The following TM9SF3 variants were observed in gnomAD, a reference collection of about 807,000 sequenced individuals.
The protein encoded by TM9SF3 is SM-11044-binding protein.
TM9SF3 carries 14 observed loss-of-function variants against 78.6 expected under a neutral mutation model. The observed-to-expected ratio is 0.18, with a 90% CI of 0.12 to 0.28. The LOEUF (loss-of-function observed/expected upper bound fraction) is 0.28. TM9SF3 is among the 10% of genes least tolerant of loss of function. The pLI is 1.00. For synonymous variants in TM9SF3, 231 were observed against 241.7 expected (o/e 0.96, Z 0.41); for missense variants, 496 against 721.9 (o/e 0.69, Z 3.59).
In TM9SF3 at chr10:96,586,855, C is replaced by T; in HGVS notation, c.-20G>A. The T allele has an allele frequency of 8.3e-7, 1 of 1,202,114 alleles. No homozygotes were observed. The allele number at this position is 1,202,114 out of a possible 1,614,324, so 74.5% of individuals were successfully genotyped here. A position where few individuals can be genotyped will look rare whatever the true frequency, so the allele number is the denominator to read the frequency against. On this transcript the variant is annotated 5_prime_UTR_variant, in exon 1 of 15. Transcript: ENST00000371142. The stretch of plus-strand genomic sequence containing the variant: ...CCTCATCCTCCGCGCCCCTCCGGCC[C>T]GGAGCCGGCTCACCGACTCCTCCTC...
intron 5 of TM9SF3, among the ~76,000 whole-genome samples, chr10:96,553,829 C>A (rs1269115385): frequency 4.6e-5 from 7 of 152,344 alleles, no homozygotes; most frequent in Admixed American, 4.6e-4. Context: ...CAAGGTACTA[C>A]TCAAAATGTA....
In TM9SF3 at chr10:96,574,235, C is replaced by T. The variant is rs191788961; in HGVS notation, c.298+2399G>A. 3.9e-5 allele frequency among the ~76,000 whole-genome samples: 6 copies of T among 152,044 alleles called. No homozygotes were observed. The East Asian group carries it at 1.2e-3, about 29-fold the overall frequency. ...CTTAAACAAATTTACAAGAAAAAAC[C>T]AAACAACCCCATCAAAAAGTGGGCA... On this transcript the variant is annotated intron_variant, in intron 2 of 14. Coordinates refer to ENST00000371142, the MANE Select transcript of TM9SF3 (RefSeq NM_020123.4).
intron 3 of TM9SF3, among the ~76,000 whole-genome samples, chr10:96,564,399 G>C (rs1388614927): frequency 3.9e-5 from 6 of 152,216 alleles, no homozygotes; most frequent in African/African-American, 1.4e-4. Context: ...ACCACTGTCA[G>C]AGCGGATCAG....
chr10:96,540,675 A>T (rs895165677), intron 9 of TM9SF3, among the ~76,000 whole-genome samples: 1 of 147,876 alleles, frequency 6.8e-6, no homozygotes, highest in African/African-American at 2.5e-5. Flanking sequence ...TTTGATCTTG[A>T]TATCTTTATA....
chr10:96,581,268 C>T (rs1057246007), intron 1 of TM9SF3, among the ~76,000 whole-genome samples: 4 of 150,186 alleles, frequency 2.7e-5, no homozygotes, highest in African/African-American at 9.8e-5. Flanking sequence ...TCAGGAGAAA[C>T]GCTTTAGAAG....
rs1402575950 is a variant in TM9SF3 at position 96,521,034 on chromosome 10, T to C, written c.*1229A>G. 2.5e-6 allele frequency: 1 copy of C among 394,196 alleles called. No individual in the cohort carries two copies. Among genetic ancestry groups the C allele is most frequent in the Non-Finnish European group, 4.5e-6 (1 of 222,588 alleles). 24.4% of individuals were successfully genotyped at this position (394,196 alleles called of 1,614,324 possible). ...CATTCTAAAGCAATAATGCTTTAGA[T>C]GTTACTTAAGTGTCCCAGACAGGAT... On this transcript the variant is annotated 3_prime_UTR_variant, in exon 15 of 15. Coordinates refer to ENST00000371142, the MANE Select transcript of TM9SF3 (RefSeq NM_020123.4).
chr10:96,553,634 T>C (rs1179186594), intron 5 of TM9SF3, among the ~76,000 whole-genome samples: 1 of 152,204 alleles, frequency 6.6e-6, no homozygotes, highest in Non-Finnish European at 1.5e-5. Flanking sequence ...TCCTGAATGA[T>C]TTGCTTCACT....
chr10:96,569,781 C>T (rs186438397), intron 2 of TM9SF3, among the ~76,000 whole-genome samples: 1 of 152,168 alleles, frequency 6.6e-6, no homozygotes, highest in African/African-American at 2.4e-5. Flanking sequence ...CACCTGTAAT[C>T]CCAGCATTTT....
intron 8 of TM9SF3, 113 bp downstream of exon 8, chr10:96,547,782 T>A (rs1848119652): frequency 1.2e-6 from 1 of 846,358 alleles, no homozygotes; most frequent in Non-Finnish European, 1.9e-6. Flanking sequence ...ATTGCACCAC[T>A]GCACTCCAGC....
chr10:96,531,223 T>C (rs1847890232), intron 10 of TM9SF3, among the ~76,000 whole-genome samples: 1 of 152,208 alleles, frequency 6.6e-6, no homozygotes, highest in South Asian at 2.1e-4. Flanking sequence ...CTCGTATTTC[T>C]CTCCTGAAAG....
intron 2 of TM9SF3, among the ~76,000 whole-genome samples, chr10:96,568,578 A>T (rs1016886840): frequency 6.6e-6 from 1 of 152,244 alleles, no homozygotes; most frequent in Non-Finnish European, 1.5e-5. Context: ...AAGCACTGAG[A>T]AAAGAAAGTG....
intron 5 of TM9SF3, among the ~76,000 whole-genome samples, chr10:96,553,472 AT>A (rs1848198961): frequency 6.6e-6 from 1 of 152,144 alleles, no homozygotes; most frequent in Non-Finnish European, 1.5e-5. Flanking sequence ...CTTGTAAGTG[AT>A]TTGTAGGGCT....
intron 1 of TM9SF3, 152 bp from the exon 2 acceptor site, chr10:96,576,981 C>T (rs1848504323): frequency 3.6e-6 from 2 of 556,944 alleles, no homozygotes; most frequent in Non-Finnish European, 2.9e-6. Flanking sequence ...TGATGAATGT[C>T]CACATCTTAA....
chr10:96,558,736 A>G (rs184054486), intron 5 of TM9SF3, among the ~76,000 whole-genome samples: 18 of 152,288 alleles, frequency 1.2e-4, no homozygotes, highest in Non-Finnish European at 2.4e-4. Flanking sequence ...AGGTTCCGGT[A>G]GAGTCTAAGA....
intron 1 of TM9SF3, among the ~76,000 whole-genome samples, chr10:96,582,350 T>C (rs1383448267): frequency 2.6e-5 from 4 of 152,242 alleles, no homozygotes; most frequent in African/African-American, 9.6e-5. Context: ...TCTGAACCTG[T>C]ACAGGCCATT....
At chr10:96,579,948 C>A (rs1848542544) in intron 1 of TM9SF3, among the ~76,000 whole-genome samples, 1 of 152,282 alleles carries the variant, frequency 6.6e-6, no homozygotes, top group South Asian at 2.1e-4. Flanking sequence ...AAACAAAAAT[C>A]TTTCCTTTCC....
rs1200624569 is a variant in TM9SF3 at position 96,521,004 on chromosome 10, T to C, written c.*1259A>G. The C allele has an allele frequency of 2.5e-6, 1 of 396,010 alleles. No individual in the cohort carries two copies. The allele number at this position is 396,010 out of a possible 1,614,324, so 24.5% of individuals were successfully genotyped here. On this transcript the variant is annotated 3_prime_UTR_variant, in exon 15 of 15. Transcript: ENST00000371142. The stretch of plus-strand genomic sequence containing the variant: ...AAACAATTTGGTCAGGAAATTTTAT[T>C]TGAACATTCTAAAGCAATAATGCTT...
chr10:96,543,885 T>C (rs979356829), intron 9 of TM9SF3, 191 bp downstream of exon 9: 13 of 358,484 alleles, frequency 3.6e-5, no homozygotes, highest in African/African-American at 1.7e-4. Flanking sequence ...AAGCCAACTA[T>C]AGGTTTAAAC....
rs1215078332 is a variant in TM9SF3, at chr10:96,519,040, G to T, written c.*3223C>A. On this transcript the variant is annotated 3_prime_UTR_variant, in exon 15 of 15. Coordinates refer to ENST00000371142, the MANE Select transcript of TM9SF3 (RefSeq NM_020123.4). ...ATTACAAATGGGTCTCCCCACCACA[G>T]AATTCATATACAAAAGCCCTTCGGT... 6.6e-6 allele frequency: 1 copy of T among 152,002 alleles called. No individual in the cohort carries two copies. The highest frequency in any genetic ancestry group is 1.5e-5 in the Non-Finnish European group (1 of 67,910). The allele number at this position is 152,002 out of a possible 1,614,324, so 9.4% of individuals were successfully genotyped here.
Sources: gnomAD v4.1 joint callset for allele counts (sites outside exome capture counted in the v4.1 genomes callset) on GRCh38, gnomAD v4.1.1 for gene constraint, MANE v1.5 for transcripts, NCBI Gene and HGNC (gene_info 2026-07-23, HGNC 2026-07-21) for gene names.